The following KCND3 variants were observed in gnomAD, a reference collection of about 807,000 sequenced individuals.
KCND3 encodes the protein A-type voltage-gated potassium channel KCND3.
A neutral mutation model predicts 51.1 loss-of-function variants in KCND3; 9 were observed. That is an observed-to-expected ratio of 0.18 (90% CI 0.11 to 0.31). The LOEUF (loss-of-function observed/expected upper bound fraction) is 0.31, where lower values mean the gene tolerates loss of function less well. KCND3 is among the 10% of genes least tolerant of loss of function. KCND3 has a pLI of 1.00. For missense variants in KCND3, 526 were observed against 903.8 expected (o/e 0.58, Z 5.36); for synonymous variants, 349 against 368.0 (o/e 0.95, Z 0.59).
intron 2 of KCND3, among the ~76,000 whole-genome samples, chr1:111,841,033 C>T (rs4839174): frequency 0.12 from 18,670 of 152,220 alleles, 1,579 homozygotes; most frequent in East Asian, 0.42. Flanking sequence ...AGACTCAGTT[C>T]CCCTATTTGT....
intron 2 of KCND3, among the ~76,000 whole-genome samples, chr1:111,938,532 C>T (rs994962754): frequency 3.9e-5 from 6 of 152,134 alleles, no homozygotes; most frequent in African/African-American, 1.2e-4. Context: ...TGAAGAACAA[C>T]ACGGGGGAAG....
At chr1:111,937,695 C>T (rs1672289833) in intron 2 of KCND3, among the ~76,000 whole-genome samples, 1 of 152,164 alleles carries the variant, frequency 6.6e-6, no homozygotes, top group South Asian at 2.1e-4. Flanking sequence ...AACTTCCTGG[C>T]CACTCAGTCT....
chr1:111,909,545 T>A (rs931098522), intron 2 of KCND3: 1 of 152,164 alleles, frequency 6.6e-6, no homozygotes, highest in Non-Finnish European at 1.5e-5. Context: ...AATTGTTACG[T>A]GATACATATG....
intron 7 of KCND3, among the ~76,000 whole-genome samples, chr1:111,776,685 A>G (rs563929721): frequency 1.3e-5 from 2 of 152,306 alleles, no homozygotes; most frequent in South Asian, 4.1e-4. Context: ...AGATACGAAA[A>G]CTGTTTCTTG....
chr1:111,809,409 T>C (rs1040896830), intron 2 of KCND3, among the ~76,000 whole-genome samples: 6 of 151,766 alleles, frequency 4.0e-5, no homozygotes, highest in South Asian at 2.1e-4. Flanking sequence ...CCCAGGTTCA[T>C]GCCATTCTCC....
chr1:111,946,495 G>C (rs1199964580), intron 2 of KCND3, among the ~76,000 whole-genome samples: 1 of 152,164 alleles, frequency 6.6e-6, no homozygotes, highest in African/African-American at 2.4e-5. Context: ...CTTGGCACTG[G>C]GAAGGGCAGC....
intron 3 of KCND3, 138 bp downstream of exon 3, chr1:111,786,806 G>A: frequency 1.0e-6 from 1 of 978,844 alleles, no homozygotes; most frequent in Non-Finnish European, 1.6e-6. Context: ...TGAGCAGGAA[G>A]GGACTGAAGC....
At position 111,981,170 on chromosome 1, in the gene KCND3, T is replaced by C. The variant is rs1674926130; in HGVS notation, c.1106+451A>G. Among the ~76,000 whole-genome samples, 2 of 151,586 alleles carry C rather than the reference T, an allele frequency of 1.3e-5. No individual in the cohort carries two copies. The highest frequency in any genetic ancestry group is 4.2e-4 in the South Asian group (2 of 4,776). On this transcript the variant is annotated intron_variant, in intron 2 of 7. Transcript: ENST00000302127. The surrounding 1 kb of genome is among the most constrained non-coding windows in gnomAD (Gnocchi z 6.2). Reference sequence around the variant, plus strand: ...CTACAAAGAAAAAATGCAGAAAGGATCCAAAAAGAGTGCTCTTGGTGTCTT... The same window carrying C: ...CTACAAAGAAAAAATGCAGAAAGGACCCAAAAAGAGTGCTCTTGGTGTCTT...
intron 2 of KCND3, among the ~76,000 whole-genome samples, chr1:111,789,342 C>A (rs990493813): frequency 2.0e-5 from 3 of 152,200 alleles, no homozygotes; most frequent in African/African-American, 7.2e-5. Context: ...GAATAAGGAG[C>A]TGCATCTTGG....
intron 2 of KCND3, among the ~76,000 whole-genome samples, chr1:111,929,873 C>T (rs1464233373): frequency 5.9e-5 from 9 of 152,326 alleles, no homozygotes; most frequent in Admixed American, 2.6e-4. Flanking sequence ...TCCTTTGCTA[C>T]GCAATTTAAA....
chr1:111,947,463 A>G (rs539102643), intron 2 of KCND3, among the ~76,000 whole-genome samples: 1 of 152,336 alleles, frequency 6.6e-6, no homozygotes, highest in East Asian at 1.9e-4. Context: ...CACTTTAGTG[A>G]TGTGAAAATT....
Position 111,786,926 on chromosome 1 carries a change from C to T in KCND3, c.1269+18G>A, listed in dbSNP as rs372005674. 5.0e-6 allele frequency: 8 copies of T among 1,613,826 alleles called. No homozygotes were observed. The African/African-American group carries it at 9.3e-5, about 19-fold the overall frequency. On this transcript the variant is annotated intron_variant, in intron 3 of 7. Transcript: ENST00000302127. ...GCATCCTTTACACTGCCCCCGCTTC[C>T]CTGCGTCTGAGGCTTACCTTTTGTG...
intron 2 of KCND3, among the ~76,000 whole-genome samples, chr1:111,797,319 CAA>C (rs754474274): frequency 2.6e-5 from 4 of 152,204 alleles, no homozygotes; most frequent in Non-Finnish European, 5.9e-5. Context: ...AGGAAACAGA[CAA>C]AGTCAGACAT....
intron 2 of KCND3, among the ~76,000 whole-genome samples, chr1:111,894,674 G>C (rs1412573170): frequency 6.6e-6 from 1 of 152,210 alleles, no homozygotes; most frequent in East Asian, 1.9e-4. Flanking sequence ...CTCCTAGCTG[G>C]GACTGGCGGA....
chr1:111,839,127 C>T (rs4839173), intron 2 of KCND3, among the ~76,000 whole-genome samples: 31 of 152,326 alleles, frequency 2.0e-4, no homozygotes, highest in African/African-American at 6.3e-4. Flanking sequence ...CAACCCAGAA[C>T]GAGAATCTTG....
chr1:111,872,885 A>G (rs1479447510), intron 2 of KCND3, among the ~76,000 whole-genome samples: 2 of 152,200 alleles, frequency 1.3e-5, no homozygotes, highest in African/African-American at 4.8e-5. Context: ...CATTCATTCA[A>G]CAACTCCAGG....
chr1:111,944,587 G>A (rs1475185654), intron 2 of KCND3, among the ~76,000 whole-genome samples: 1 of 152,186 alleles, frequency 6.6e-6, no homozygotes, highest in East Asian at 1.9e-4. Flanking sequence ...GGACCCTGGG[G>A]CCTCCCAGCA....
At chr1:111,900,872 G>A (rs1205612482) in intron 2 of KCND3, among the ~76,000 whole-genome samples, 3 of 152,074 alleles carry the variant, frequency 2.0e-5, no homozygotes, top group African/African-American at 4.8e-5. Flanking sequence ...CAGGAGAATC[G>A]CTTGAACCTG....
chr1:111,779,719 C>T (rs1344015929), intron 5 of KCND3, among the ~76,000 whole-genome samples: 10 of 146,990 alleles, frequency 6.8e-5, no homozygotes, highest in Non-Finnish European at 9.0e-5. Flanking sequence ...GGTGGGGGGG[C>T]GGTACTTCTG....
Sources: gnomAD v4.1 joint callset for allele counts (sites outside exome capture counted in the v4.1 genomes callset) on GRCh38, gnomAD v4.1.1 for gene constraint, Gnocchi (gnomAD v3.1) non-coding constraint, MANE v1.5 for transcripts, NCBI Gene and HGNC (gene_info 2026-07-23, HGNC 2026-07-21) for gene names.